Variants in BBS9 observed in about 807,000 individuals in gnomAD.
BBS9 encodes the protein protein PTHB1.
In BBS9, 89 loss-of-function variants were observed where a neutral mutation model predicts 117.7. The ratio of observed to expected loss-of-function variants is 0.76; its 90% confidence interval spans 0.64 to 0.90. The LOEUF is 0.90. BBS9 is among the 40% of genes least tolerant of loss of function. The pLI is 0.00. For missense variants in BBS9, 982 were observed against 1,042.2 expected (o/e 0.94, Z 0.80); for synonymous variants, 379 against 370.9 (o/e 1.02, Z -0.25).
intron 2 of BBS9, among the ~76,000 whole-genome samples, chr7:33,149,181 G>A (rs1792908268): frequency 6.6e-6 from 1 of 152,186 alleles, no homozygotes; most frequent in South Asian, 2.1e-4. Context: ...CATTGATGGA[G>A]CAGGGACCCA....
At position 33,146,349 on chromosome 7, in the gene BBS9, A is replaced by C; in HGVS notation, c.97A>C (p.Ser33Arg). 6.2e-7 allele frequency: 1 copy of C among 1,613,610 alleles called. No individual in the cohort carries two copies. The highest frequency in any genetic ancestry group is 8.5e-7 in the Non-Finnish European group (1 of 1,179,526). Reference protein sequence around the residue: ...GCLCLANVDNSGNGQDKIIVG... With the variant: ...GCLCLANVDNRGNGQDKIIVG... Reference sequence around the variant, plus strand: ...TTTGTGTCTGGCTAATGTTGACAATAGTGGAAATGGACAAGGTAAGCAACT... The same window carrying C: ...TTTGTGTCTGGCTAATGTTGACAATCGTGGAAATGGACAAGGTAAGCAACT... The change falls in exon 2 of 23, where the codon AGT becomes CGT. Residue 33 changes from serine to arginine, a missense_variant. Ser to Arg is a moderately radical substitution (Grantham distance 110). Coordinates refer to ENST00000242067, the MANE Select transcript of BBS9 (RefSeq NM_198428.3).
At chr7:33,569,594 A>G (rs1039820929) in intron 21 of BBS9, among the ~76,000 whole-genome samples, 1 of 151,584 alleles carries the variant, frequency 6.6e-6, no homozygotes, top group African/African-American at 2.4e-5. Flanking sequence ...CTACTTAAAA[A>G]AAAAAAAAAT....
intron 9 of BBS9, among the ~76,000 whole-genome samples, chr7:33,335,178 T>A (rs2128622606): frequency 6.6e-6 from 1 of 152,324 alleles, no homozygotes; most frequent in Admixed American, 6.5e-5. Flanking sequence ...TATGTCCTTT[T>A]CTCTTCTTCA....
chr7:33,509,945 C>T (rs1846685055), intron 20 of BBS9, among the ~76,000 whole-genome samples: 1 of 152,156 alleles, frequency 6.6e-6, no homozygotes, highest in South Asian at 2.1e-4. Flanking sequence ...ATTTTTGTCA[C>T]TCCTCAATAC....
chr7:33,165,868 T>C (rs944797451), intron 4 of BBS9, among the ~76,000 whole-genome samples: 1 of 152,200 alleles, frequency 6.6e-6, no homozygotes, highest in Non-Finnish European at 1.5e-5. Flanking sequence ...CGTCAAGCTT[T>C]GTTCCGTTGC....
At position 33,388,143 on chromosome 7, in the gene BBS9, A is replaced by C. The variant is rs1448647488; in HGVS notation, c.2114A>C (p.Gln705Pro). Residue 705 changes from glutamine (Q) to proline (P), a missense_variant and splice_region_variant, in exon 19 of 23, where the codon CAG becomes CCG. Gln to Pro is a moderately conservative substitution (Grantham distance 76, BLOSUM62 -1). Transcript: ENST00000242067. Reference sequence around the variant, plus strand: ...ACCTTGTTAGATGGAACCTACAAGCAGGTCAGTATAATATCAGTAACAGTT... The same window carrying C: ...ACCTTGTTAGATGGAACCTACAAGCCGGTCAGTATAATATCAGTAACAGTT... The part of the protein sequence containing the change: ...LDTLLDGTYK[Q>P]VIALADAVEE... The C allele has an allele frequency of 6.2e-7, 1 of 1,613,952 alleles. No homozygotes were observed. The highest frequency in any genetic ancestry group is 8.5e-7 in the Non-Finnish European group (1 of 1,179,924).
At chr7:33,540,016 T>A (rs1585180222) in intron 21 of BBS9, among the ~76,000 whole-genome samples, 1 of 152,218 alleles carries the variant, frequency 6.6e-6, no homozygotes, top group Non-Finnish European at 1.5e-5. Context: ...TGTATCTTTG[T>A]GTTATGCTTC....
Position 33,430,654 on chromosome 7 carries a change from C to G in BBS9, c.2115+42510C>G, listed in dbSNP as rs187064286. 2.6e-3 allele frequency among the ~76,000 whole-genome samples: 391 copies of G among 152,288 alleles called. 2 individuals are homozygous for G. Among genetic ancestry groups the G allele is most frequent in the Non-Finnish European group, 3.3e-3 (224 of 68,032 alleles). On this transcript the variant is annotated intron_variant, in intron 19 of 22. Coordinates refer to ENST00000242067, the MANE Select transcript of BBS9 (RefSeq NM_198428.3). ...GTTTTTCCTTATCTCTGCTTCTTTCCTCTATCAATCTCATGTGGATTTAAA... is the reference window on the plus strand; with the variant it reads ...GTTTTTCCTTATCTCTGCTTCTTTCGTCTATCAATCTCATGTGGATTTAAA...
intron 4 of BBS9, among the ~76,000 whole-genome samples, chr7:33,170,703 C>A: frequency 6.7e-6 from 1 of 148,274 alleles, no homozygotes; most frequent in Non-Finnish European, 1.5e-5. Context: ...TCTAGAAAAC[C>A]CCATTGTCTC....
At chr7:33,175,374 A>C (rs1325124599) in intron 4 of BBS9, among the ~76,000 whole-genome samples, 1 of 152,116 alleles carries the variant, frequency 6.6e-6, no homozygotes, top group Admixed American at 6.6e-5. Flanking sequence ...GGAACTGAGT[A>C]GAAATGATTC....
At chr7:33,594,201 G>T (rs567662660) in intron 21 of BBS9, among the ~76,000 whole-genome samples, 1 of 152,036 alleles carries the variant, frequency 6.6e-6, no homozygotes, top group East Asian at 1.9e-4. Flanking sequence ...TTATTCACAC[G>T]CTTTATCTCT....
At chr7:33,486,190 A>G (rs1344667467) in intron 19 of BBS9, among the ~76,000 whole-genome samples, 2 of 152,150 alleles carry the variant, frequency 1.3e-5, no homozygotes, top group Non-Finnish European at 2.9e-5. Flanking sequence ...AATCCAGGCT[A>G]AATTCATTTT....
intron 9 of BBS9, among the ~76,000 whole-genome samples, chr7:33,316,215 A>G (rs934911672): frequency 2.0e-5 from 3 of 152,184 alleles, no homozygotes; most frequent in Non-Finnish European, 4.4e-5. Context: ...ATCATACAGT[A>G]GGTATGTTTT....
At chr7:33,354,098 A>C (rs575444150) in intron 15 of BBS9, among the ~76,000 whole-genome samples, 4 of 152,206 alleles carry the variant, frequency 2.6e-5, no homozygotes, top group East Asian at 3.9e-4. Context: ...TGAGGAAAAA[A>C]CCCACAATTT....
Position 33,337,722 on chromosome 7 carries a change from G to T in BBS9, c.1198+1100G>T, listed in dbSNP as rs758202478. Among the ~76,000 whole-genome samples, 4 of 152,058 alleles carry T rather than the reference G, an allele frequency of 2.6e-5. No individual in the cohort carries two copies. The South Asian group carries it at 6.2e-4, about 24-fold the overall frequency. ...TGGTTAAAATGGGATGTGTCATATC[G>T]CAGTATATAATTTTTTGTTTCAATT... On this transcript the variant is annotated intron_variant, in intron 10 of 22. Coordinates refer to ENST00000242067, the MANE Select transcript of BBS9 (RefSeq NM_198428.3).
intron 19 of BBS9, among the ~76,000 whole-genome samples, chr7:33,453,248 G>A (rs1423508340): frequency 2.6e-5 from 4 of 152,146 alleles, no homozygotes; most frequent in Non-Finnish European, 5.9e-5. Context: ...ACTCAGCAAA[G>A]CAGCTGAGTT....
At chr7:33,402,929 A>G (rs1313666563) in intron 19 of BBS9, among the ~76,000 whole-genome samples, 1 of 152,050 alleles carries the variant, frequency 6.6e-6, no homozygotes, top group African/African-American at 2.4e-5. Context: ...GTTCCTACTT[A>G]TAAGTGAGAA....
intron 21 of BBS9, among the ~76,000 whole-genome samples, chr7:33,622,300 A>T (rs532242316): frequency 6.6e-6 from 1 of 152,204 alleles, no homozygotes; most frequent in South Asian, 2.1e-4. Flanking sequence ...ATAGAAGCAG[A>T]AAGTAGAATG....
intron 21 of BBS9, among the ~76,000 whole-genome samples, chr7:33,542,805 AC>A (rs1852601689): frequency 2.5e-5 from 2 of 80,122 alleles, no homozygotes; most frequent in African/African-American, 3.6e-5. Context: ...ACACACACAC[AC>A]ACACACACAC....
Sources: allele counts gnomAD v4.1 joint callset (sites outside exome capture counted in the v4.1 genomes callset), GRCh38; gene constraint gnomAD v4.1.1; transcripts MANE v1.5; gene names NCBI Gene and HGNC (gene_info 2026-07-23, HGNC 2026-07-21).